The following ADGRB1 variants were observed in gnomAD, a reference collection of about 807,000 sequenced individuals.
ADGRB1 encodes adhesion G protein-coupled receptor B1, also known as brain-specific angiogenesis inhibitor 1.
ADGRB1 carries 36 observed loss-of-function variants against 175.7 expected under a neutral mutation model. The observed-to-expected ratio is 0.20, with a 90% CI of 0.16 to 0.27. ADGRB1 has a LOEUF of 0.27. Among genes scored for constraint, ADGRB1 ranks in the 10% least tolerant of loss-of-function variants. The pLI, the probability that ADGRB1 is intolerant of heterozygous loss-of-function variation, is 1.00. For missense variants in ADGRB1, 1,731 were observed against 2,255.3 expected, an observed-to-expected ratio of 0.77 and a Z score of 4.71; for synonymous variants, 1,054 against 979.4, an observed-to-expected ratio of 1.08 and a Z score of -1.42.
intron 17 of ADGRB1, among the ~76,000 whole-genome samples, chr8:142,507,529 C>A (rs747587899): frequency 2.6e-5 from 4 of 152,242 alleles, no homozygotes; most frequent in Non-Finnish European, 5.9e-5. Flanking sequence ...TCCCTGCCCC[C>A]AGAGGCCGAT....
intron 1 of ADGRB1, among the ~76,000 whole-genome samples, chr8:142,452,960 C>G (rs1388201641): frequency 2.7e-5 from 4 of 147,856 alleles, no homozygotes; most frequent in Non-Finnish European, 4.5e-5. Context: ...CCGCCCCTTC[C>G]GTCTCCTCCG....
At chr8:142,539,713 C>CA in intron 27 of ADGRB1, 14 of 537,376 alleles carry the variant, frequency 2.6e-5, no homozygotes, top group Admixed American at 3.3e-5. Context: ...TGGCTGCGTC[C>CA]CCTGCCCACC....
At chr8:142,522,322 T>G (rs1337518539) in intron 21 of ADGRB1, among the ~76,000 whole-genome samples, 1 of 152,156 alleles carries the variant, frequency 6.6e-6, no homozygotes, top group African/African-American at 2.4e-5. Context: ...CATGTCTAGA[T>G]AACGAAAACG....
intron 9 of ADGRB1, 66 bp downstream of exon 9, chr8:142,479,860 G>A (rs1841235899): frequency 2.0e-6 from 3 of 1,493,664 alleles, no homozygotes; most frequent in Non-Finnish European, 2.7e-6. Flanking sequence ...TGCCCACGCT[G>A]AGGTGCTGTC....
At chr8:142,513,049 C>T (rs2132054011) in intron 18 of ADGRB1, among the ~76,000 whole-genome samples, 1 of 152,254 alleles carries the variant, frequency 6.6e-6, no homozygotes, top group African/African-American at 2.4e-5. Context: ...TCGGGGGGCG[C>T]TTCTAGTGTT....
At position 142,476,638 on chromosome 8, in the gene ADGRB1, C is replaced by A. The variant is rs542494350; in HGVS notation, c.1000C>A (p.Arg334=). The change falls in exon 4 of 31, where the codon CGG becomes AGG. Residue 334 remains arginine (R), a synonymous_variant. Coordinates refer to ENST00000517894, the MANE Select transcript of ADGRB1 (RefSeq NM_001702.3). ...GTCCCTGCGGTCCACAGATGCCCGG[C>A]GGCGCGAGGAGCTGGGGGACGAGCT... ...SQSLRSTDAR[R]REELGDELQQ... is the part of the protein sequence containing the mutation. The A allele has an allele frequency of 6.5e-7, 1 of 1,548,502 alleles. No homozygotes were observed. The highest frequency in any genetic ancestry group is 1.2e-5 in the South Asian group (1 of 83,976).
At chr8:142,472,493 CTG>C (rs1338307701) in intron 2 of ADGRB1, among the ~76,000 whole-genome samples, 5 of 152,222 alleles carry the variant, frequency 3.3e-5, no homozygotes, top group Non-Finnish European at 7.3e-5. Flanking sequence ...CTCAGACACA[CTG>C]TGGCCACCCA....
At chr8:142,450,799 C>T (rs1371195465) in intron 1 of ADGRB1, among the ~76,000 whole-genome samples, 1 of 152,122 alleles carries the variant, frequency 6.6e-6, no homozygotes, top group African/African-American at 2.4e-5. Flanking sequence ...TATTTTTGCG[C>T]CCCCCACCCC....
intron 17 of ADGRB1, among the ~76,000 whole-genome samples, chr8:142,499,605 G>A (rs1027021415): frequency 8.0e-5 from 12 of 150,520 alleles, no homozygotes; most frequent in African/African-American, 1.8e-4. Context: ...CGGTGGGAGC[G>A]CTGCCTGCGA....
In ADGRB1 at chr8:142,474,149, T is replaced by C. The variant is rs866615173; in HGVS notation, c.785-1325T>C. Among the ~76,000 whole-genome samples, 15 of 152,190 alleles carry C rather than the reference T, an allele frequency of 9.9e-5. No homozygotes were observed. Among genetic ancestry groups the C allele is most frequent in the Admixed American group, 2.6e-4 (4 of 15,296 alleles). The stretch of plus-strand genomic sequence containing the variant: ...GGAGCTACCCTGGGGTCTCCTGCAG[T>C]CCACACTCCCACTGAGGGAGGCAGG... On this transcript the variant is annotated intron_variant, in intron 2 of 30. Coordinates refer to ENST00000517894, the MANE Select transcript of ADGRB1 (RefSeq NM_001702.3). The surrounding 1 kb of genome is among the most constrained non-coding windows in gnomAD (Gnocchi z 5.8).
In ADGRB1 at chr8:142,471,921, G is replaced by T. The variant is rs984558907; in HGVS notation, c.785-3553G>T. On this transcript the variant is annotated intron_variant, in intron 2 of 30. Coordinates refer to ENST00000517894, the MANE Select transcript of ADGRB1 (RefSeq NM_001702.3). Reference sequence around the variant, plus strand: ...CTGGTCTAGGTCTCAGAGGAGTCTGGGTGCCCCAGGACAAACCCTAACTTG... The same window carrying T: ...CTGGTCTAGGTCTCAGAGGAGTCTGTGTGCCCCAGGACAAACCCTAACTTG... 2.0e-5 allele frequency among the ~76,000 whole-genome samples: 3 copies of T among 152,246 alleles called. No individual in the cohort carries two copies. The East Asian group carries it at 5.8e-4, about 29-fold the overall frequency.
chr8:142,533,636 G>A (rs887397336), intron 25 of ADGRB1, among the ~76,000 whole-genome samples, 170 bp downstream of exon 25: 1 of 152,238 alleles, frequency 6.6e-6, no homozygotes, highest in Non-Finnish European at 1.5e-5. Context: ...CTGCAGGTGA[G>A]CGTGTCCACC....
At chr8:142,536,905 C>G (rs111953214) in intron 25 of ADGRB1, 82 bp from the exon 26 acceptor site, 199 of 1,234,910 alleles carry the variant, frequency 1.6e-4, no homozygotes, top group Middle Eastern at 2.3e-4. Flanking sequence ...CCCGCCCCCC[C>G]ACAGGTGCTG....
chr8:142,520,851 C>G lies in ADGRB1; in HGVS notation c.2950C>G (p.Leu984Val). ...CATTCGCTCAGAGCGTTCTGTCATC[C>G]TCATCAACTTCTGCCTGTCCATCAT... is the stretch of plus-strand genomic sequence containing the variant. ...RYIRSERSVI[L>V]INFCLSIISS... is the part of the protein sequence containing the mutation. The change falls in exon 20 of 31, where the codon CTC becomes GTC. Residue 984 changes from leucine (L) to valine (V), a missense_variant. This residue lies in a region of ADGRB1 where 301 missense variants were observed against 488.4 expected (regional missense o/e 0.62). Coordinates refer to ENST00000517894, the MANE Select transcript of ADGRB1 (RefSeq NM_001702.3). The G allele has an allele frequency of 1.2e-6, 2 of 1,613,648 alleles. No individual in the cohort carries two copies. The highest frequency in any genetic ancestry group is 1.6e-4 in the Middle Eastern group (1 of 6,062).
chr8:142,464,648 GC>G lies in ADGRB1; in HGVS notation c.454del (p.Gln152SerfsTer85). 2 of 1,519,040 alleles carry G rather than the reference GC, an allele frequency of 1.3e-6. No homozygotes were observed. The allele number at this position is 1,519,040 out of a possible 1,614,324, so 94.1% of individuals were successfully genotyped here. ...TCCTGCAGATGCGGCGCCAGCAGCC[GC>G]CCCAGCACGACGGGCTCCGGCCCCG... Reference protein sequence around the residue: ...QFLQMRRQQPPQHDGLRPRAG... With the variant: ...QFLQMRRQQPXQHDGLRPRAG... On this transcript the variant is annotated frameshift_variant, in exon 2 of 31. Coordinates refer to ENST00000517894, the MANE Select transcript of ADGRB1 (RefSeq NM_001702.3). LOFTEE classifies it high-confidence loss of function.
At position 142,511,187 on chromosome 8, in the gene ADGRB1, TGTGGCCCGCAGCCGCC is replaced by T; in HGVS notation, c.2817+121_2817+136del. 1 of 883,342 alleles carries T rather than the reference TGTGGCCCGCAGCCGCC, an allele frequency of 1.1e-6. No homozygotes were observed. The highest frequency in any genetic ancestry group is 5.1e-5 in the South Asian group (1 of 19,676). The allele number at this position is 883,342 out of a possible 1,614,324, so 54.7% of individuals were successfully genotyped here. ...ACCCGTCCTGTCCCGGAGGGGTCGCTGTGGCCCGCAGCCGCCGTGGCCTGGCCCGGCCGGCGGGGTC... is the reference window on the plus strand; with the variant it reads ...ACCCGTCCTGTCCCGGAGGGGTCGCTGTGGCCTGGCCCGGCCGGCGGGGTC... On this transcript the variant is annotated intron_variant, in intron 18 of 30. Transcript: ENST00000517894. The surrounding 1 kb of genome is among the most constrained non-coding windows in gnomAD (Gnocchi z 4.5).
Position 142,478,200 on chromosome 8 carries a change from T to A in ADGRB1, c.1401T>A (p.Asp467Glu), listed in dbSNP as rs57661143. ...TTCCTCCCCCGGGCCGGGCAGTGGA[T>A]GGAAACTGGAATGAGTGGTCGAGCT... Reference protein sequence around the residue: ...NIALCPGRAVDGNWNEWSSWS... With the variant: ...NIALCPGRAVEGNWNEWSSWS... The change falls in exon 7 of 31, where the codon GAT becomes GAA. Residue 467 changes from aspartate to glutamate, a missense_variant. Asp to Glu is a conservative substitution (Grantham distance 45, BLOSUM62 2). Around this residue, in one of 8 missense-constraint regions of ADGRB1, gnomAD observed 388 missense variants for 630.9 expected, o/e 0.61. Coordinates refer to ENST00000517894, the MANE Select transcript of ADGRB1 (RefSeq NM_001702.3). The A allele has an allele frequency of 4.4e-6, 7 of 1,606,256 alleles. No individual in the cohort carries two copies. The highest frequency in any genetic ancestry group is 5.9e-6 in the Non-Finnish European group (7 of 1,177,204).
rs868226118 is a variant in ADGRB1 at position 142,522,220 on chromosome 8, G to C, written c.3175+105G>C. 6 of 1,469,128 alleles carry C rather than the reference G, an allele frequency of 4.1e-6. No individual in the cohort carries two copies. In the South Asian group the frequency reaches 6.8e-5, roughly 17 times the overall value. 91.0% of individuals were successfully genotyped at this position (1,469,128 alleles called of 1,614,324 possible). ...CTCCCCATCCCCTGTGGACCCCTGG[G>C]GCCTCAGTTGCTGCTTGGGTGGGCT... On this transcript the variant is annotated intron_variant, in intron 21 of 30. Coordinates refer to ENST00000517894, the MANE Select transcript of ADGRB1 (RefSeq NM_001702.3).
intron 18 of ADGRB1, 24 bp from the exon 19 acceptor site, chr8:142,518,114 G>A: frequency 1.9e-6 from 3 of 1,611,092 alleles, no homozygotes; most frequent in Non-Finnish European, 2.5e-6. Context: ...CTCACTCCCT[G>A]CGGTCTCTTC....
Sources: allele counts gnomAD v4.1 joint callset (sites outside exome capture counted in the v4.1 genomes callset), GRCh38; gene constraint gnomAD v4.1.1; regional missense constraint gnomAD v4.1.1; non-coding constraint Gnocchi (gnomAD v3.1); transcripts MANE v1.5; gene names NCBI Gene and HGNC (gene_info 2026-07-23, HGNC 2026-07-21).